TMEM14C: variants seen among roughly 807,000 people sequenced by gnomAD.
TMEM14C encodes chromosome 6 open reading frame 53.
A neutral mutation model predicts 14.8 loss-of-function variants in TMEM14C; 13 were observed. The ratio of observed to expected loss-of-function variants is 0.88; its 90% CI spans 0.57 to 1.40. The LOEUF is 1.40. Ranked by LOEUF, TMEM14C falls within the 40% of genes most tolerant of loss-of-function variation. The pLI is 0.00. For missense variants in TMEM14C, 142 were observed against 138.8 expected (o/e 1.02, Z -0.12); for synonymous variants, 57 against 51.3 (o/e 1.11, Z -0.48).
Position 10,730,995 on chromosome 6 carries a change from T to A in TMEM14C, c.*329T>A. On this transcript the variant is annotated 3_prime_UTR_variant, in exon 6 of 6. Transcript: ENST00000229563. Reference sequence around the variant, plus strand: ...AGGGCTCTGAAACCCCATTCCCTGCTCTGAGGAACAGTGTGAAAAAAAGTC... The same window carrying A: ...AGGGCTCTGAAACCCCATTCCCTGCACTGAGGAACAGTGTGAAAAAAAGTC... 9.8e-7 allele frequency: 1 copy of A among 1,016,904 alleles called. No homozygotes were observed. The highest frequency in any genetic ancestry group is 1.2e-6 in the Non-Finnish European group (1 of 850,712). The allele number at this position is 1,016,904 out of a possible 1,614,324, so 63.0% of individuals were successfully genotyped here.
rs187428097 is a variant in TMEM14C at position 10,723,412 on chromosome 6, G to T, written c.-45+171G>T. On this transcript the variant is annotated intron_variant, in intron 1 of 5. Transcript: ENST00000229563. ...TCTGCTTTTAAAAGAAGTTGTGGAT[G>T]CGCGGAGCCCCTGGGCTCCTGAGGC... Among the ~76,000 whole-genome samples, 357 of 152,282 alleles carry T rather than the reference G, an allele frequency of 2.3e-3. 10 individuals carry two copies. The highest frequency in any genetic ancestry group is 0.023 in the Admixed American group (350 of 15,302).
intron 5 of TMEM14C, 188 bp downstream of exon 5, chr6:10,728,915 A>T: frequency 7.4e-7 from 1 of 1,358,684 alleles, no homozygotes; most frequent in Non-Finnish European, 1.0e-6. Context: ...GCATGAGTAT[A>T]TCCATTCACC....
Position 10,724,970 on chromosome 6 carries a change from G to C in TMEM14C, c.30G>C (p.Leu10Phe). The change falls in exon 3 of 6, where the codon TTG (leucine) becomes TTC (phenylalanine). Residue 10 changes from leucine (L) to phenylalanine (F), a missense_variant. Physicochemically the swap from Leu to Phe is conservative, Grantham distance 22. Coordinates refer to ENST00000229563, the MANE Select transcript of TMEM14C (RefSeq NM_016462.4). Reference sequence around the variant, plus strand: ...CCTCTTGTGTTTTCAGAGTGCCTTTGCATTGGTTTGGCTTTGGCTACGCAG... The same window carrying C: ...CCTCTTGTGTTTTCAGAGTGCCTTTCCATTGGTTTGGCTTTGGCTACGCAG... The part of the protein sequence containing the change: MQDTGSVVP[L>F]HWFGFGYAAL... The C allele has an allele frequency of 6.2e-7, 1 of 1,614,248 alleles. No individual in the cohort carries two copies. Among genetic ancestry groups the C allele is most frequent in the East Asian group, 2.2e-5 (1 of 44,888 alleles).
At position 10,724,651 on chromosome 6, in the gene TMEM14C, G is replaced by T. The variant is rs369091606; in HGVS notation, c.20+18G>T. 1 of 1,610,954 alleles carries T rather than the reference G, an allele frequency of 6.2e-7. No homozygotes were observed. Among genetic ancestry groups the T allele is most frequent in the Admixed American group, 1.7e-5 (1 of 59,276 alleles). Reference sequence around the variant, plus strand: ...GGCTCAGTGTGAGTGCAGTAAATGGGTATGGAGTAGCCAGGAGCTTCTGGA... The same window carrying T: ...GGCTCAGTGTGAGTGCAGTAAATGGTTATGGAGTAGCCAGGAGCTTCTGGA... On this transcript the variant is annotated intron_variant, in intron 2 of 5. Coordinates refer to ENST00000229563, the MANE Select transcript of TMEM14C (RefSeq NM_016462.4).
chr6:10,724,441 G>C, intron 1 of TMEM14C, 129 bp from the exon 2 acceptor site: 2 of 646,702 alleles, frequency 3.1e-6, no homozygotes, highest in East Asian at 2.7e-5. Context: ...ATCGGTACCA[G>C]TGTTATCCTC....
intron 4 of TMEM14C, among the ~76,000 whole-genome samples, chr6:10,727,389 G>C (rs1770893830): frequency 6.6e-6 from 1 of 152,100 alleles, no homozygotes; most frequent in Non-Finnish European, 1.5e-5. Flanking sequence ...GCCCAGGCCA[G>C]AGTGTAGTGG....
intron 1 of TMEM14C, 135 bp downstream of exon 1, chr6:10,723,376 G>C (rs1290038891): frequency 6.6e-6 from 1 of 152,244 alleles, no homozygotes; most frequent in African/African-American, 2.4e-5. Context: ...TGCTTTTCTC[G>C]TTGGGTATTT....
rs1396718383 is a variant in TMEM14C at position 10,724,841 on chromosome 6, TGGTCC to T, written c.21-119_21-115del. The T allele has an allele frequency of 2.7e-4, 376 of 1,379,514 alleles. 2 individuals are homozygous for T. The East Asian group carries it at 8.5e-3, about 31-fold the overall frequency. 85.5% of individuals were successfully genotyped at this position (1,379,514 alleles called of 1,614,324 possible). On this transcript the variant is annotated intron_variant, in intron 2 of 5. Transcript: ENST00000229563. ...CTCTCAGAAAGTCATCCAACCTCTG[TGGTCC>T]TTATTTTCAGTGATAGGACCTGTGG...
At chr6:10,725,600 G>T (rs1297659715) in intron 3 of TMEM14C, among the ~76,000 whole-genome samples, 2 of 152,100 alleles carry the variant, frequency 1.3e-5, no homozygotes, top group African/African-American at 4.8e-5. Flanking sequence ...CTTCATGGTT[G>T]ATCAGGCCTG....
At chr6:10,725,082 C>T (rs1370595792) in intron 3 of TMEM14C, 45 bp downstream of exon 3, 1 of 1,608,530 alleles carries the variant, frequency 6.2e-7, no homozygotes. Flanking sequence ...TTCACGTTGT[C>T]CCAGTGAAAT....
intron 3 of TMEM14C, among the ~76,000 whole-genome samples, chr6:10,725,604 A>G (rs1198860051): frequency 6.6e-6 from 1 of 152,106 alleles, no homozygotes; most frequent in Non-Finnish European, 1.5e-5. Context: ...ATGGTTGATC[A>G]GGCCTGATTA....
rs373173156 is a variant in TMEM14C, at chr6:10,725,891, G to A, written c.98-16G>A. 3.7e-6 allele frequency: 6 copies of A among 1,612,914 alleles called. No homozygotes were observed. The African/African-American group carries it at 5.3e-5, about 14-fold the overall frequency. ...TGCCTGACATTACAATGCAAGCTGTGTTTGCTTCCCTCTAGGCAGCGTGCC... is the reference window on the plus strand; with the variant it reads ...TGCCTGACATTACAATGCAAGCTGTATTTGCTTCCCTCTAGGCAGCGTGCC... On this transcript the variant is annotated splice_polypyrimidine_tract_variant and intron_variant, in intron 3 of 5. Transcript: ENST00000229563.
chr6:10,731,093 G>A lies in TMEM14C; in HGVS notation c.*427G>A. 1.0e-6 allele frequency: 1 copy of A among 985,068 alleles called. No homozygotes were observed. The highest frequency in any genetic ancestry group is 1.2e-6 in the Non-Finnish European group (1 of 829,472). The allele number at this position is 985,068 out of a possible 1,614,324, so 61.0% of individuals were successfully genotyped here. A position where few individuals can be genotyped will look rare whatever the true frequency, so the allele number is the denominator to read the frequency against. ...GACTGACTTTGAAATTATGTTAAGT[G>A]AAATATCAATGAAAATAAAGTTTAC... is the stretch of plus-strand genomic sequence containing the variant. On this transcript the variant is annotated 3_prime_UTR_variant, in exon 6 of 6. Coordinates refer to ENST00000229563, the MANE Select transcript of TMEM14C (RefSeq NM_016462.4).
chr6:10,724,398 A>T (rs1770793099), intron 1 of TMEM14C, 172 bp from the exon 2 acceptor site: 2 of 581,792 alleles, frequency 3.4e-6, no homozygotes, highest in Non-Finnish European at 6.1e-6. Context: ...TTTACATGTG[A>T]CATCCATTGA....
intron 5 of TMEM14C, 142 bp from the exon 6 acceptor site, chr6:10,730,473 A>T: frequency 1.5e-6 from 1 of 665,918 alleles, no homozygotes; most frequent in East Asian, 3.0e-5. Context: ...TCCTCCAGGG[A>T]TGGAAATTTA....
At chr6:10,726,078 T>A (rs768664486) in intron 4 of TMEM14C, 70 bp downstream of exon 4, 96 of 1,567,544 alleles carry the variant, frequency 6.1e-5, no homozygotes, top group Non-Finnish European at 7.7e-5. Flanking sequence ...AGACCCTGGT[T>A]TGGTGGGATG....
At position 10,723,148 on chromosome 6, in the gene TMEM14C, C is replaced by G. The variant is rs1016184211; in HGVS notation, c.-138C>G. On this transcript the variant is annotated 5_prime_UTR_variant, in exon 1 of 6. Transcript: ENST00000229563. Reference sequence around the variant, plus strand: ...CCCTCTCCTCGCCCCGCCACCGGGACGGAGAGCGCCCGCCGCTGCATTTCC... The same window carrying G: ...CCCTCTCCTCGCCCCGCCACCGGGAGGGAGAGCGCCCGCCGCTGCATTTCC... The G allele has an allele frequency of 1.3e-5, 2 of 152,324 alleles. No individual in the cohort carries two copies. The highest frequency in any genetic ancestry group is 2.9e-5 in the Non-Finnish European group (2 of 68,112). 9.4% of individuals were successfully genotyped at this position (152,324 alleles called of 1,614,324 possible). A position where few individuals can be genotyped will look rare whatever the true frequency, so the allele number is the denominator to read the frequency against.
intron 5 of TMEM14C, among the ~76,000 whole-genome samples, chr6:10,730,101 T>A (rs1770983246): frequency 1.3e-5 from 2 of 152,040 alleles, no homozygotes. Context: ...AGACTCCATC[T>A]GAAAAAATAA....
Position 10,724,516 on chromosome 6 carries a change from G to A in TMEM14C, c.-44-54G>A. ...TTGCAGGTTGGACACACTTCTTTCT[G>A]ACTGCTGGAGAGCTGTGCTTTTAAC... is the stretch of plus-strand genomic sequence containing the variant. On this transcript the variant is annotated intron_variant, in intron 1 of 5. Coordinates refer to ENST00000229563, the MANE Select transcript of TMEM14C (RefSeq NM_016462.4). 2.4e-6 allele frequency: 3 copies of A among 1,270,828 alleles called. No individual in the cohort carries two copies. In the South Asian group the frequency reaches 3.7e-5, roughly 16 times the overall value. The allele number at this position is 1,270,828 out of a possible 1,614,324, so 78.7% of individuals were successfully genotyped here. A position where few individuals can be genotyped will look rare whatever the true frequency, so the allele number is the denominator to read the frequency against.
Sources: allele counts gnomAD v4.1 joint callset (sites outside exome capture counted in the v4.1 genomes callset), GRCh38; gene constraint gnomAD v4.1.1; transcripts MANE v1.5; gene names NCBI Gene and HGNC (gene_info 2026-07-23, HGNC 2026-07-21).